Variants in ARK2C observed in about 807,000 individuals in gnomAD.
The protein encoded by ARK2C is E3 ubiquitin-protein ligase ARK2C.
the ARK2C span, among the ~76,000 whole-genome samples, chr18:46,437,685 A>G: frequency 2.6e-5 from 4 of 152,070 alleles, no homozygotes; most frequent in African/African-American, 9.7e-5. Flanking sequence ...ATACATCCCA[A>G]ACCCCTCTCT....
At chr18:46,403,977 G>T in the ARK2C span, among the ~76,000 whole-genome samples, 1 of 152,162 alleles carries the variant, frequency 6.6e-6, no homozygotes, top group African/African-American at 2.4e-5. Flanking sequence ...TTCTTTAGGG[G>T]ATTCTACTGC....
chr18:46,334,265 A>G, the ARK2C span: 1 of 1,493,840 alleles, frequency 6.7e-7, no homozygotes, highest in Non-Finnish European at 8.9e-7. This position sits in a 1 kb window ranked among gnomAD's most constrained non-coding sequence, Gnocchi z 4.4. Flanking sequence ...CCGCCGCGCG[A>G]GGAGCCAGGA....
At chr18:46,388,588 G>A in the ARK2C span, among the ~76,000 whole-genome samples, 1 of 152,132 alleles carries the variant, frequency 6.6e-6, no homozygotes, top group African/African-American at 2.4e-5. Flanking sequence ...GAACCAAGCT[G>A]CCCTCAATTG....
At chr18:46,338,118 A>G in the ARK2C span, among the ~76,000 whole-genome samples, 5 of 152,212 alleles carry the variant, frequency 3.3e-5, no homozygotes, top group Admixed American at 1.3e-4. Context: ...CTAAAAACCC[A>G]TTTTGAGTTG....
At chr18:46,356,052 T>A in the ARK2C span, among the ~76,000 whole-genome samples, 1 of 152,196 alleles carries the variant, frequency 6.6e-6, no homozygotes, top group Admixed American at 6.5e-5. Flanking sequence ...CGAACTTGGC[T>A]CCATGCAGGC....
At chr18:46,352,980 G>A in the ARK2C span, among the ~76,000 whole-genome samples, 7 of 152,288 alleles carry the variant, frequency 4.6e-5, no homozygotes, top group South Asian at 1.2e-3. Flanking sequence ...CTGTGGGTGG[G>A]ACTAGCATGC....
the ARK2C span, among the ~76,000 whole-genome samples, chr18:46,360,504 C>T: frequency 6.6e-6 from 1 of 152,230 alleles, no homozygotes; most frequent in Non-Finnish European, 1.5e-5. Flanking sequence ...ACCCTGGAGG[C>T]CCAGGTTGCT....
chr18:46,391,868 C>T, the ARK2C span, among the ~76,000 whole-genome samples: 1 of 151,774 alleles, frequency 6.6e-6, no homozygotes, highest in Non-Finnish European at 1.5e-5. Flanking sequence ...CCCCCATATG[C>T]AACCCATATA....
At chr18:46,432,967 T>A in the ARK2C span, among the ~76,000 whole-genome samples, 5 of 150,414 alleles carry the variant, frequency 3.3e-5, no homozygotes, top group African/African-American at 1.2e-4. Context: ...AATAAATAAA[T>A]AAAAAATAAA....
At chr18:46,373,912 C>G in the ARK2C span, among the ~76,000 whole-genome samples, 1 of 152,102 alleles carries the variant, frequency 6.6e-6, no homozygotes, top group African/African-American at 2.4e-5. Flanking sequence ...TGGCAGCTGC[C>G]TGTTTTCCCA....
At chr18:46,397,579 C>G in the ARK2C span, among the ~76,000 whole-genome samples, 4 of 26,414 alleles carry the variant, frequency 1.5e-4, no homozygotes, top group Non-Finnish European at 2.9e-4. Flanking sequence ...TGTGTGTGGT[C>G]ATGCTGGGGT....
At chr18:46,415,792 A>C in the ARK2C span, among the ~76,000 whole-genome samples, 2 of 152,166 alleles carry the variant, frequency 1.3e-5, no homozygotes, top group African/African-American at 4.8e-5. Context: ...GGATGGTTGT[A>C]GGGCTGAATT....
At chr18:46,397,023 C>T in the ARK2C span, among the ~76,000 whole-genome samples, 2 of 152,218 alleles carry the variant, frequency 1.3e-5, no homozygotes, top group Admixed American at 6.5e-5. Context: ...GCTGTGCGAG[C>T]GTGGCCCAGA....
the ARK2C span, among the ~76,000 whole-genome samples, chr18:46,340,285 C>T: frequency 6.6e-6 from 1 of 152,182 alleles, no homozygotes; most frequent in South Asian, 2.1e-4. Context: ...CTCAGATTTT[C>T]AGGATGATTT....
At chr18:46,339,856 CT>C in the ARK2C span, among the ~76,000 whole-genome samples, 3 of 152,240 alleles carry the variant, frequency 2.0e-5, no homozygotes, top group East Asian at 5.8e-4. Context: ...ACTCATCTTC[CT>C]TTTGCAGTTT....
chr18:46,338,863 C>A, the ARK2C span, among the ~76,000 whole-genome samples: 1 of 152,214 alleles, frequency 6.6e-6, no homozygotes, highest in South Asian at 2.1e-4. Flanking sequence ...CTCCCCTGGG[C>A]TGACTGACTC....
At chr18:46,408,696 G>A in the ARK2C span, among the ~76,000 whole-genome samples, 2 of 152,210 alleles carry the variant, frequency 1.3e-5, no homozygotes, top group African/African-American at 4.8e-5. Flanking sequence ...AAGGGTTGCT[G>A]GAACAGTCCG....
At chr18:46,375,173 C>A in the ARK2C span, among the ~76,000 whole-genome samples, 5 of 152,236 alleles carry the variant, frequency 3.3e-5, no homozygotes, top group African/African-American at 1.2e-4. Context: ...CAGGCTCCTT[C>A]CAGGCCGCCC....
At chr18:46,373,188 G>T in the ARK2C span, among the ~76,000 whole-genome samples, 25,215 of 152,254 alleles carry the variant, frequency 0.17, 2,824 homozygotes, top group East Asian at 0.42. Context: ...CCCTGCCAGG[G>T]TGTCATCTCC....
Sources: allele counts gnomAD v4.1 joint callset (sites outside exome capture counted in the v4.1 genomes callset), GRCh38; gene constraint gnomAD v4.1.1; non-coding constraint Gnocchi (gnomAD v3.1); transcripts MANE v1.5; gene names NCBI Gene and HGNC (gene_info 2026-07-23, HGNC 2026-07-21).